The following ROBO2 variants were observed in gnomAD, a reference collection of about 807,000 sequenced individuals.
ROBO2 encodes roundabout homolog 2.
A neutral mutation model predicts 160.8 loss-of-function variants in ROBO2; 53 were observed. That is an observed-to-expected ratio of 0.33 (90% CI 0.26 to 0.41). The LOEUF (loss-of-function observed/expected upper bound fraction) is 0.41. Ranked by LOEUF, ROBO2 falls within the 10% of genes least tolerant of loss-of-function variation. ROBO2 has a pLI of 1.00. For missense variants in ROBO2, 1,577 were observed against 1,722.4 expected, an observed-to-expected ratio of 0.92 and a Z score of 1.49; for synonymous variants, 664 against 611.7, an observed-to-expected ratio of 1.09 and a Z score of -1.26.
chr3:77,602,478 C>T, exon 20 of ROBO2: 1 of 1,614,094 alleles, frequency 6.2e-7, no homozygotes, highest in Non-Finnish European at 8.5e-7. Context: ...CTGATCAGAA[C>T]AAAGGTAACA....
intron 2 of ROBO2, among the ~76,000 whole-genome samples, chr3:77,352,996 T>C (rs1335990773): frequency 6.6e-6 from 1 of 152,366 alleles, no homozygotes; most frequent in Non-Finnish European, 1.5e-5. Context: ...CTGTGTTTGA[T>C]TGAATCTCAG....
intron 2 of ROBO2, among the ~76,000 whole-genome samples, chr3:77,202,676 C>T (rs1017845115): frequency 1.3e-5 from 2 of 152,142 alleles, no homozygotes; most frequent in African/African-American, 4.8e-5. Flanking sequence ...CTTCCTTCCT[C>T]TATTCTCTCT....
chr3:76,645,558 A>G (rs1353914081), intron 2 of ROBO2, among the ~76,000 whole-genome samples: 1 of 152,186 alleles, frequency 6.6e-6, no homozygotes, highest in African/African-American at 2.4e-5. Context: ...AAAGTAATAT[A>G]GTGAACTCTT....
chr3:76,443,208 G>A (rs183920535), intron 2 of ROBO2, among the ~76,000 whole-genome samples: 10 of 152,130 alleles, frequency 6.6e-5, no homozygotes, highest in Admixed American at 2.0e-4. Flanking sequence ...TTACCTGCAA[G>A]ACAGCAACAA....
At chr3:76,011,831 C>T (rs983496848) in intron 2 of ROBO2, among the ~76,000 whole-genome samples, 3 of 151,976 alleles carry the variant, frequency 2.0e-5, no homozygotes, top group African/African-American at 4.8e-5. Context: ...CCCAGTGACT[C>T]GATGCAATCA....
intron 2 of ROBO2, among the ~76,000 whole-genome samples, chr3:77,028,006 C>T: frequency 6.6e-6 from 1 of 152,034 alleles, no homozygotes; most frequent in Admixed American, 6.6e-5. Flanking sequence ...TGAAACCAAG[C>T]CTGTGGAATA....
At chr3:77,610,437 G>T (rs905067094) in intron 21 of ROBO2, among the ~76,000 whole-genome samples, 1 of 151,990 alleles carries the variant, frequency 6.6e-6, no homozygotes. Flanking sequence ...TGAGCAATGT[G>T]GAAGAACTAA....
chr3:77,311,765 C>G (rs76325866), intron 2 of ROBO2, among the ~76,000 whole-genome samples: 1 of 152,126 alleles, frequency 6.6e-6, no homozygotes. Flanking sequence ...CTGTCTCATT[C>G]TTTCGTCTTT....
At chr3:76,403,106 TAGTTA>T (rs2077935857) in intron 2 of ROBO2, among the ~76,000 whole-genome samples, 1 of 151,562 alleles carries the variant, frequency 6.6e-6, no homozygotes, top group Non-Finnish European at 1.5e-5. Context: ...AACTGGAATA[TAGTTA>T]AGTTAATTCC....
At chr3:76,619,646 G>A (rs1180211466) in intron 2 of ROBO2, among the ~76,000 whole-genome samples, 1 of 152,144 alleles carries the variant, frequency 6.6e-6, no homozygotes, top group Non-Finnish European at 1.5e-5. Context: ...CTCAGTGAAG[G>A]ACATTATCAT....
chr3:76,264,674 C>A (rs1227515702), intron 2 of ROBO2, among the ~76,000 whole-genome samples: 1 of 152,038 alleles, frequency 6.6e-6, no homozygotes, highest in East Asian at 1.9e-4. Context: ...TTCAGAGGTT[C>A]AAACTGAAAC....
intron 2 of ROBO2, among the ~76,000 whole-genome samples, chr3:76,518,573 T>C (rs1037440517): frequency 2.6e-5 from 4 of 152,190 alleles, no homozygotes; most frequent in African/African-American, 9.6e-5. Context: ...CAAGGTGAGT[T>C]GGGCAATGTA....
At chr3:76,341,348 G>T (rs148811168) in intron 2 of ROBO2, among the ~76,000 whole-genome samples, 1 of 148,126 alleles carries the variant, frequency 6.8e-6, no homozygotes, top group Non-Finnish European at 1.5e-5. Context: ...CCCCTACTAC[G>T]GGTCCAATCC....
chr3:76,317,970 A>G (rs981060877), intron 2 of ROBO2, among the ~76,000 whole-genome samples: 2 of 152,056 alleles, frequency 1.3e-5, no homozygotes, highest in Non-Finnish European at 2.9e-5. Context: ...TTAAACTTCT[A>G]TTCAAATTCA....
intron 2 of ROBO2, among the ~76,000 whole-genome samples, chr3:76,550,535 C>A (rs531355588): frequency 6.6e-6 from 1 of 152,338 alleles, no homozygotes; most frequent in South Asian, 2.1e-4. Context: ...CAGGAAGGAG[C>A]AGGAGCCCTG....
At chr3:76,772,269 A>G (rs2061951875) in intron 2 of ROBO2, among the ~76,000 whole-genome samples, 2 of 151,256 alleles carry the variant, frequency 1.3e-5, no homozygotes, top group South Asian at 4.1e-4. Flanking sequence ...AGTGGTATCT[A>G]GGAGGAACTT....
At chr3:76,268,145 C>T (rs1559700643) in intron 2 of ROBO2, among the ~76,000 whole-genome samples, 1 of 152,070 alleles carries the variant, frequency 6.6e-6, no homozygotes, top group Non-Finnish European at 1.5e-5. Context: ...TGGTGTGTGC[C>T]TGTAGTCTCA....
chr3:77,316,560 A>G (rs2064014832), intron 2 of ROBO2, among the ~76,000 whole-genome samples: 1 of 152,128 alleles, frequency 6.6e-6, no homozygotes, highest in African/African-American at 2.4e-5. Context: ...TACTGAAAGG[A>G]TCTTTTTTGG....
intron 1 of ROBO2, among the ~76,000 whole-genome samples, chr3:75,927,082 A>C (rs1466278899): frequency 6.6e-6 from 1 of 152,204 alleles, no homozygotes. Context: ...AGCAGCTGGA[A>C]GATAGATAAA....
Sources: allele counts gnomAD v4.1 joint callset (sites outside exome capture counted in the v4.1 genomes callset), GRCh38; gene constraint gnomAD v4.1.1; transcripts MANE v1.5; gene names NCBI Gene and HGNC (gene_info 2026-07-23, HGNC 2026-07-21).